The following UBE2W variants were observed in gnomAD, a reference collection of about 807,000 sequenced individuals.
UBE2W encodes the protein ubiquitin conjugating enzyme E2 W, also known as ubiquitin-conjugating enzyme E2 W.
In UBE2W, 18 loss-of-function variants were observed where a neutral mutation model predicts 27.2. The ratio of observed to expected loss-of-function variants is 0.66; its 90% CI spans 0.46 to 0.98. UBE2W has a LOEUF of 0.98. Among genes scored for constraint, UBE2W ranks in the 50% least tolerant of loss-of-function variants. UBE2W has a pLI of 0.00. For synonymous variants in UBE2W, 53 were observed against 57.2 expected (o/e 0.93, Z 0.33); for missense variants, 90 against 180.2 (o/e 0.50, Z 2.87).
chr8:73,853,678 T>G (rs886664982), intron 1 of UBE2W, among the ~76,000 whole-genome samples: 1 of 152,202 alleles, frequency 6.6e-6, no homozygotes, highest in East Asian at 1.9e-4. Context: ...TACCTCAGAT[T>G]GTTATTGAAA....
chr8:73,868,426 C>T (rs535847597), intron 1 of UBE2W, among the ~76,000 whole-genome samples: 17 of 152,320 alleles, frequency 1.1e-4, no homozygotes, highest in Admixed American at 2.0e-4. Context: ...CAATTGTATC[C>T]TTTAAAATAT....
chr8:73,781,496 T>C (rs1013667835), downstream of UBE2W, among the ~76,000 whole-genome samples: 4 of 152,116 alleles, frequency 2.6e-5, no homozygotes, highest in East Asian at 3.9e-4. Flanking sequence ...TTCTTCTCTT[T>C]GTACTTTGGT....
At chr8:73,859,558 T>G (rs575140100) in intron 1 of UBE2W, among the ~76,000 whole-genome samples, 78 of 152,342 alleles carry the variant, frequency 5.1e-4, no homozygotes, top group Non-Finnish European at 9.4e-4. Context: ...TCTATCTTAC[T>G]TTATTGTAAG....
downstream of UBE2W, among the ~76,000 whole-genome samples, chr8:73,784,234 T>A (rs138215209): frequency 1.2e-4 from 18 of 152,270 alleles, no homozygotes; most frequent in East Asian, 2.3e-3. Flanking sequence ...TGTGTTGATT[T>A]TTCCTGCCTT....
In UBE2W at chr8:73,786,769, CAG is replaced by C; in HGVS notation, c.*7331_*7332del. The stretch of plus-strand genomic sequence containing the variant: ...GAGACTGGAGAGAAGGTAGAAATCT[CAG>C]AGACATTTTAAAGTTACACTCAACA... On this transcript the variant is annotated 3_prime_UTR_variant, in exon 6 of 6. Transcript: ENST00000602593. The C allele has an allele frequency of 1.0e-6, 1 of 985,356 alleles. No homozygotes were observed. 61.0% of individuals were successfully genotyped at this position (985,356 alleles called of 1,614,324 possible). A position where few individuals can be genotyped will look rare whatever the true frequency, so the allele number is the denominator to read the frequency against.
intron 4 of UBE2W, 149 bp downstream of exon 4, chr8:73,810,325 C>T (rs1245782615): frequency 1.2e-6 from 1 of 812,166 alleles, no homozygotes; most frequent in Non-Finnish European, 1.8e-6. Flanking sequence ...AAATAACTTT[C>T]CAATTTATTA....
chr8:73,800,159 A>C (rs1251107635), intron 5 of UBE2W, among the ~76,000 whole-genome samples: 1 of 151,292 alleles, frequency 6.6e-6, no homozygotes, highest in Non-Finnish European at 1.5e-5. Flanking sequence ...TAGCTTTTTA[A>C]AAGTGAAGGA....
intron 3 of UBE2W, among the ~76,000 whole-genome samples, chr8:73,821,295 G>A (rs1289842414): frequency 6.6e-6 from 1 of 151,946 alleles, no homozygotes; most frequent in African/African-American, 2.4e-5. Flanking sequence ...ATTAAAAGAT[G>A]TTAGAAAACA....
At chr8:73,856,752 C>A (rs1006229778) in intron 1 of UBE2W, among the ~76,000 whole-genome samples, 1 of 152,052 alleles carries the variant, frequency 6.6e-6, no homozygotes, top group Non-Finnish European at 1.5e-5. Context: ...ATTGTCCAGA[C>A]TGGAGTGCAG....
intron 2 of UBE2W, among the ~76,000 whole-genome samples, chr8:73,827,442 G>C (rs556803374): frequency 6.6e-6 from 1 of 152,046 alleles, no homozygotes; most frequent in Non-Finnish European, 1.5e-5. Flanking sequence ...TCGAACTCCC[G>C]AACTCGGGTG....
intron 2 of UBE2W, among the ~76,000 whole-genome samples, chr8:73,826,538 A>G (rs1809842071): frequency 6.6e-6 from 1 of 152,328 alleles, no homozygotes; most frequent in South Asian, 2.1e-4. Flanking sequence ...AAAATAATAA[A>G]TGTACCTATT....
At chr8:73,816,734 A>G (rs999148550) in intron 3 of UBE2W, among the ~76,000 whole-genome samples, 2 of 152,200 alleles carry the variant, frequency 1.3e-5, no homozygotes, top group African/African-American at 4.8e-5. Flanking sequence ...AAAATTAGCT[A>G]AAAGTCTCTA....
intron 3 of UBE2W, among the ~76,000 whole-genome samples, chr8:73,813,347 A>C (rs1482282896): frequency 1.3e-5 from 2 of 152,238 alleles, no homozygotes; most frequent in Non-Finnish European, 2.9e-5. Context: ...GTAGCAGTAG[A>C]AAACACCTAC....
chr8:73,804,335 T>C (rs1036014360), intron 5 of UBE2W, among the ~76,000 whole-genome samples: 1 of 151,294 alleles, frequency 6.6e-6, no homozygotes, highest in Non-Finnish European at 1.5e-5. Flanking sequence ...CTCTTATGTA[T>C]ACAAAAATCA....
In UBE2W at chr8:73,825,257, A is replaced by G; in HGVS notation, c.108-8T>C. On this transcript the variant is annotated splice_region_variant and splice_polypyrimidine_tract_variant and intron_variant, in intron 2 of 5. Transcript: ENST00000602593. The stretch of plus-strand genomic sequence containing the variant: ...TCCATGTCTACAATCCACCTAGAAT[A>G]GAAAAGGCAAATTAAAAACTTAAGA... The G allele has an allele frequency of 6.5e-7, 1 of 1,536,442 alleles. No individual in the cohort carries two copies. The highest frequency in any genetic ancestry group is 8.8e-7 in the Non-Finnish European group (1 of 1,140,712).
At chr8:73,845,039 C>A (rs1810724032) in intron 1 of UBE2W, among the ~76,000 whole-genome samples, 1 of 147,710 alleles carries the variant, frequency 6.8e-6, no homozygotes, top group African/African-American at 2.6e-5. Context: ...CGGCCAGCCA[C>A]CCCATCCGGG....
At chr8:73,780,390 T>C (rs1372091765) in exon 5 of UBE2W, 3 of 416,960 alleles carry the variant, frequency 7.2e-6, no homozygotes, top group African/African-American at 4.1e-5. Flanking sequence ...CCTCAACTAA[T>C]GACATCTGCA....
intron 1 of UBE2W, among the ~76,000 whole-genome samples, chr8:73,874,224 G>A (rs13249147): frequency 0.1 from 15,194 of 152,146 alleles, 814 homozygotes; most frequent in Middle Eastern, 0.17. Context: ...GAGGTCAGGA[G>A]ATGGAGACCA....
At chr8:73,817,652 G>T (rs368136450) in intron 3 of UBE2W, among the ~76,000 whole-genome samples, 4 of 152,006 alleles carry the variant, frequency 2.6e-5, no homozygotes, top group African/African-American at 9.7e-5. Flanking sequence ...TGAATTGCTG[G>T]GACTACAGGT....
Sources: gnomAD v4.1 joint callset for allele counts (sites outside exome capture counted in the v4.1 genomes callset) on GRCh38, gnomAD v4.1.1 for gene constraint, MANE v1.5 for transcripts, NCBI Gene and HGNC (gene_info 2026-07-23, HGNC 2026-07-21) for gene names.